Variants in CEP85L observed in about 807,000 individuals in gnomAD.
The protein encoded by CEP85L is centrosomal protein of 85 kDa-like.
CEP85L carries 60 observed loss-of-function variants against 100.3 expected under a neutral mutation model. The ratio of observed to expected loss-of-function variants is 0.60; its 90% CI spans 0.49 to 0.74. The LOEUF is 0.74. Among genes scored for constraint, CEP85L ranks in the 30% least tolerant of loss-of-function variants. The pLI is 0.00. For missense variants in CEP85L, 973 were observed against 936.2 expected, an observed-to-expected ratio of 1.04 and a Z score of -0.51; for synonymous variants, 319 against 322.7, an observed-to-expected ratio of 0.99 and a Z score of 0.12.
chr6:118,555,618 A>T (rs1282853868), intron 3 of CEP85L, among the ~76,000 whole-genome samples: 2 of 152,200 alleles, frequency 1.3e-5, no homozygotes, highest in African/African-American at 4.8e-5. Context: ...AAAAGTCATT[A>T]AATATATGTC....
intron 3 of CEP85L, chr6:118,559,308 G>GA (rs1779092004): frequency 5.7e-6 from 3 of 527,990 alleles, no homozygotes; most frequent in Non-Finnish European, 1.1e-5. Flanking sequence ...TTCAAAATAA[G>GA]TGTATAAAAT....
intron 1 of CEP85L, among the ~76,000 whole-genome samples, chr6:118,678,996 C>A (rs1776565164): frequency 6.6e-6 from 1 of 152,172 alleles, no homozygotes; most frequent in African/African-American, 2.4e-5. Flanking sequence ...CTAGTAAAAC[C>A]AAACTACTTG....
At chr6:118,578,710 C>T (rs889204852) in intron 2 of CEP85L, among the ~76,000 whole-genome samples, 5 of 152,074 alleles carry the variant, frequency 3.3e-5, no homozygotes, top group Non-Finnish European at 5.9e-5. Context: ...GCCTGGTGAC[C>T]GGGCAAGACT....
Position 118,553,402 on chromosome 6 carries a change from T to C in CEP85L, c.1020+12127A>G, listed in dbSNP as rs116354033. 3.7e-3 allele frequency among the ~76,000 whole-genome samples: 565 copies of C among 152,270 alleles called. 3 individuals are homozygous for C. The highest frequency in any genetic ancestry group is 0.013 in the African/African-American group (539 of 41,576). ...ATGTATGACAGGAAGCCCCATCTTC[T>C]ATGGATAAAATCTGGCCTAATTATC... is the stretch of plus-strand genomic sequence containing the variant. On this transcript the variant is annotated intron_variant, in intron 3 of 12. Transcript: ENST00000368491.
intron 1 of CEP85L, among the ~76,000 whole-genome samples, chr6:118,701,085 A>G (rs1777389401): frequency 6.6e-6 from 1 of 152,206 alleles, no homozygotes; most frequent in Admixed American, 6.5e-5. Context: ...CCTCCCATTC[A>G]GAGTGATTTG....
At chr6:118,542,923 A>AAAAAC (rs1554216838) in intron 3 of CEP85L, among the ~76,000 whole-genome samples, 6 of 143,928 alleles carry the variant, frequency 4.2e-5, no homozygotes, top group Non-Finnish European at 9.3e-5. Flanking sequence ...AAAAAAAAAA[A>AAAAAC]CAGGATATTC....
chr6:118,619,023 A>G (rs1326917165), intron 2 of CEP85L, among the ~76,000 whole-genome samples: 5 of 152,152 alleles, frequency 3.3e-5, no homozygotes, highest in Non-Finnish European at 7.3e-5. Context: ...AAGCGTGGTT[A>G]AATCTGGTAA....
chr6:118,521,701 C>T (rs1776677350), intron 4 of CEP85L, among the ~76,000 whole-genome samples: 1 of 151,928 alleles, frequency 6.6e-6, no homozygotes, highest in Non-Finnish European at 1.5e-5. Flanking sequence ...AGCCACCACT[C>T]GAACAAACCC....
chr6:118,521,481 G>T (rs535803286), intron 4 of CEP85L, among the ~76,000 whole-genome samples: 17 of 152,064 alleles, frequency 1.1e-4, no homozygotes, highest in African/African-American at 3.9e-4. Context: ...TAAGATACTG[G>T]GTAGGTTATT....
chr6:118,654,790 G>C (rs1775732996), upstream of CEP85L, among the ~76,000 whole-genome samples: 1 of 152,212 alleles, frequency 6.6e-6, no homozygotes, highest in Non-Finnish European at 1.5e-5. Flanking sequence ...CAGGATTGCT[G>C]TGGGGTTTAA....
chr6:118,620,399 T>G (rs541997930), intron 2 of CEP85L, among the ~76,000 whole-genome samples: 1 of 152,206 alleles, frequency 6.6e-6, no homozygotes, highest in African/African-American at 2.4e-5. Context: ...AAGCAAACAT[T>G]GGAGGTTCAG....
In CEP85L at chr6:118,462,772, T is replaced by C. The variant is rs1343552671; in HGVS notation, c.*2633A>G. On this transcript the variant is annotated 3_prime_UTR_variant, in exon 13 of 13. Coordinates refer to ENST00000368491, the MANE Select transcript of CEP85L (RefSeq NM_001042475.3). ...GTCTAACAGTAAAATCTGTTTTTAA[T>C]GTGATACAGAAGAGGATATTCTAAT... The C allele has an allele frequency of 2.0e-5, 3 of 151,990 alleles. No individual in the cohort carries two copies. The highest frequency in any genetic ancestry group is 4.4e-5 in the Non-Finnish European group (3 of 67,872). The allele number at this position is 151,990 out of a possible 1,614,324, so 9.4% of individuals were successfully genotyped here.
intron 1 of CEP85L, among the ~76,000 whole-genome samples, chr6:118,634,653 A>T (rs1375984547): frequency 1.4e-5 from 2 of 146,824 alleles, no homozygotes; most frequent in East Asian, 3.9e-4. Flanking sequence ...ACTCACATTA[A>T]AGCACCAGAA....
chr6:118,694,722 G>A (rs987961833), intron 1 of CEP85L, among the ~76,000 whole-genome samples: 9 of 152,144 alleles, frequency 5.9e-5, no homozygotes, highest in African/African-American at 1.9e-4. Context: ...ATATGCCTTG[G>A]AGAGTCAATG....
intron 6 of CEP85L, among the ~76,000 whole-genome samples, chr6:118,489,376 A>C (rs1774403493): frequency 6.6e-6 from 1 of 152,176 alleles, no homozygotes. Flanking sequence ...TGTCAAGAGG[A>C]ATTCTTCAAG....
At chr6:118,514,086 A>C (rs1776125828) in intron 4 of CEP85L, among the ~76,000 whole-genome samples, 1 of 152,224 alleles carries the variant, frequency 6.6e-6, no homozygotes, top group Non-Finnish European at 1.5e-5. Flanking sequence ...TATACTTTAA[A>C]ATATATTATA....
chr6:118,646,861 C>T, intron 1 of CEP85L: 1 of 861,032 alleles, frequency 1.2e-6, no homozygotes, highest in Non-Finnish European at 1.4e-6. Context: ...CCTTTCTGTT[C>T]ACACACATAA....
At position 118,651,222 on chromosome 6, in the gene CEP85L, G is replaced by A; in HGVS notation, c.48C>T (p.Pro16=). ...CGGCAGGGAAGCTGCGGGCTCCGCC[G>A]GGGCTATCCCGGCCGCTGGCCTCCG... The part of the protein sequence containing the change: ...LAPEASGRDS[P]GGARSFPAGP... Residue 16 remains proline (P), a synonymous_variant, in exon 1 of 13, where the codon CCC becomes CCT. Coordinates refer to ENST00000368491, the MANE Select transcript of CEP85L (RefSeq NM_001042475.3). 6.7e-7 allele frequency: 1 copy of A among 1,496,020 alleles called. No homozygotes were observed. Among genetic ancestry groups the A allele is most frequent in the Non-Finnish European group, 8.9e-7 (1 of 1,129,210 alleles). The allele number at this position is 1,496,020 out of a possible 1,614,324, so 92.7% of individuals were successfully genotyped here. A position where few individuals can be genotyped will look rare whatever the true frequency, so the allele number is the denominator to read the frequency against.
chr6:118,467,373 CAG>C (rs1486825511), intron 12 of CEP85L, among the ~76,000 whole-genome samples: 1 of 152,052 alleles, frequency 6.6e-6, no homozygotes, highest in Non-Finnish European at 1.5e-5. Context: ...CCACAGAAGA[CAG>C]AGACTGAGCA....
Sources: gnomAD v4.1 joint callset for allele counts (sites outside exome capture counted in the v4.1 genomes callset) on GRCh38, gnomAD v4.1.1 for gene constraint, MANE v1.5 for transcripts, NCBI Gene and HGNC (gene_info 2026-07-23, HGNC 2026-07-21) for gene names.